ODF2L: variants seen among roughly 807,000 people sequenced by gnomAD.
ODF2L encodes protein BCAP.
ODF2L carries 76 observed loss-of-function variants against 86.3 expected under a neutral mutation model. The ratio of observed to expected loss-of-function variants is 0.88; its 90% confidence interval spans 0.73 to 1.07. The LOEUF (loss-of-function observed/expected upper bound fraction) is 1.07. ODF2L is among the 50% of genes least tolerant of loss of function. The probability of loss-of-function intolerance (pLI) is 0.00; values close to 1 mark genes in which losing one functional copy is unlikely to be tolerated. For synonymous variants in ODF2L, 241 were observed against 231.3 expected (o/e 1.04, Z -0.38); for missense variants, 748 against 717.4 (o/e 1.04, Z -0.49).
At chr1:86,394,635 A>C (rs1401153836) in intron 1 of ODF2L, among the ~76,000 whole-genome samples, 1 of 152,148 alleles carries the variant, frequency 6.6e-6, no homozygotes, top group African/African-American at 2.4e-5. Context: ...CGACCAGATC[A>C]CTAAATTCCA....
intron 14 of ODF2L, chr1:86,356,029 C>A: frequency 8.5e-6 from 2 of 234,300 alleles, no homozygotes; most frequent in Non-Finnish European, 1.7e-5. Flanking sequence ...AAAAGTAAAA[C>A]AGGAAAAAGA....
Position 86,352,929 on chromosome 1 carries a change from A to AT in ODF2L, c.1822dup (p.Ile608AsnfsTer7). On this transcript the variant is annotated frameshift_variant, in exon 17 of 18. Coordinates refer to ENST00000317336, the Ensembl canonical transcript of ODF2L. LOFTEE classifies it high-confidence loss of function. ...TCTAAGCTCAGTTTCCAGATCTAAT[A>AT]TTTTAATTTGTAAAGCACTCTCTCT... 1.3e-6 allele frequency: 2 copies of AT among 1,546,858 alleles called. No homozygotes were observed. The highest frequency in any genetic ancestry group is 1.8e-6 in the Non-Finnish European group (2 of 1,125,522).
intron 8 of ODF2L, among the ~76,000 whole-genome samples, chr1:86,375,905 C>G (rs2098193773): frequency 6.6e-6 from 1 of 152,036 alleles, no homozygotes; most frequent in Non-Finnish European, 1.5e-5. Flanking sequence ...TAACATAGAC[C>G]ACAATGTCCC....
intron 12 of ODF2L, 104 bp downstream of exon 11, chr1:86,360,322 G>T: frequency 1.7e-6 from 1 of 574,354 alleles, no homozygotes. Flanking sequence ...AACCCACAAT[G>T]ATAGCCCCAC....
chr1:86,395,506 T>C (rs1344368167), intron 1 of ODF2L, among the ~76,000 whole-genome samples: 1 of 152,100 alleles, frequency 6.6e-6, no homozygotes, highest in South Asian at 2.1e-4. Context: ...AGTCGGCCTT[T>C]AGCACTCTCC....
chr1:86,352,251 G>A, intron 17 of ODF2L: 1 of 1,448,864 alleles, frequency 6.9e-7, no homozygotes, highest in Admixed American at 2.8e-5. Flanking sequence ...TCATTATCTA[G>A]TAGACAGTTA....
intron 8 of ODF2L, among the ~76,000 whole-genome samples, chr1:86,375,959 A>G (rs984620148): frequency 6.6e-6 from 1 of 152,188 alleles, no homozygotes. Context: ...TAGTTGGCCA[A>G]TAGAACCTTT....
downstream of ODF2L, chr1:86,347,404 A>G (rs975351551): frequency 1.3e-5 from 2 of 152,182 alleles, no homozygotes; most frequent in African/African-American, 4.8e-5. Context: ...ATTAGGAGGT[A>G]AAGAAAGGGC....
At chr1:86,383,924 T>C (rs1660758907) in intron 4 of ODF2L, among the ~76,000 whole-genome samples, 1 of 151,742 alleles carries the variant, frequency 6.6e-6, no homozygotes. Context: ...TTTTACTCCA[T>C]TTTTCTAAAA....
chr1:86,367,695 A>G (rs1023738439), intron 11 of ODF2L, among the ~76,000 whole-genome samples: 2 of 152,192 alleles, frequency 1.3e-5, no homozygotes, highest in Middle Eastern at 3.2e-3. Flanking sequence ...ATATTACTTG[A>G]CTGTGTAGTG....
intron 7 of ODF2L, among the ~76,000 whole-genome samples, chr1:86,381,694 A>G (rs1660601833): frequency 6.6e-6 from 1 of 152,128 alleles, no homozygotes; most frequent in Admixed American, 6.6e-5. Flanking sequence ...ACTCCAAAAG[A>G]ATAATTAAAC....
Position 86,353,003 on chromosome 1 carries a change from G to A in ODF2L, c.1768-19C>T, listed in dbSNP as rs1346416524. On this transcript the variant is annotated intron_variant, in intron 16 of 17. Transcript: ENST00000317336. ...CAGCAACCTGTAATTTTTATCAAAA[G>A]AGTAAAATAAAGTGCTTTCTTTAAA... The A allele has an allele frequency of 2.1e-6, 3 of 1,454,588 alleles. No individual in the cohort carries two copies. Among genetic ancestry groups the A allele is most frequent in the Admixed American group, 2.0e-5 (1 of 50,174 alleles). 90.1% of individuals were successfully genotyped at this position (1,454,588 alleles called of 1,614,324 possible). A position where few individuals can be genotyped will look rare whatever the true frequency, so the allele number is the denominator to read the frequency against.
intron 11 of ODF2L, among the ~76,000 whole-genome samples, chr1:86,368,064 A>G (rs1486283027): frequency 6.6e-6 from 1 of 152,190 alleles, no homozygotes; most frequent in Admixed American, 6.5e-5. Context: ...ACGGCAAGCC[A>G]CAGAGGTACA....
At chr1:86,385,473 C>T in exon 3 of ODF2L, 1 of 1,581,532 alleles carries the variant, frequency 6.3e-7, no homozygotes, top group East Asian at 2.2e-5. Context: ...CAAAATTAAT[C>T]TTTTCAATGG....
intron 1 of ODF2L, among the ~76,000 whole-genome samples, chr1:86,394,963 C>G (rs925277711): frequency 6.6e-6 from 1 of 151,792 alleles, no homozygotes; most frequent in African/African-American, 2.4e-5. Flanking sequence ...GCCTCAGCCT[C>G]CCGAGTAGCT....
At chr1:86,389,965 A>G (rs992799108) in intron 1 of ODF2L, among the ~76,000 whole-genome samples, 2 of 152,218 alleles carry the variant, frequency 1.3e-5, no homozygotes, top group Non-Finnish European at 2.9e-5. Context: ...CATTCAAAGA[A>G]CAATTGGTAC....
exon 7 of ODF2L, chr1:86,382,266 G>A (rs140415819): frequency 3.5e-5 from 57 of 1,610,116 alleles, no homozygotes; most frequent in Middle Eastern, 1.7e-4. Flanking sequence ...TCAACTTATC[G>A]TTCTCGGCTT....
At chr1:86,386,196 G>A (rs887171060) in intron 2 of ODF2L, 7 of 152,172 alleles carry the variant, frequency 4.6e-5, no homozygotes, top group African/African-American at 1.7e-4. Context: ...AATATTTCAT[G>A]TAAATAACAA....
At chr1:86,375,557 T>C (rs1158425356) in intron 8 of ODF2L, among the ~76,000 whole-genome samples, 1 of 152,126 alleles carries the variant, frequency 6.6e-6, no homozygotes, top group Non-Finnish European at 1.5e-5. Flanking sequence ...AATTATTAAT[T>C]AGTAATTGAA....
Sources: allele counts gnomAD v4.1 joint callset (sites outside exome capture counted in the v4.1 genomes callset), GRCh38; gene constraint gnomAD v4.1.1; transcripts MANE v1.5; gene names NCBI Gene and HGNC (gene_info 2026-07-23, HGNC 2026-07-21).